SMC6: variants seen among roughly 807,000 people sequenced by gnomAD.
The protein encoded by SMC6 is structural maintenance of chromosomes 6.
SMC6 carries 79 observed loss-of-function variants against 142.2 expected under a neutral mutation model. The ratio of observed to expected loss-of-function variants is 0.56; its 90% CI spans 0.46 to 0.67. The LOEUF (loss-of-function observed/expected upper bound fraction) is 0.67, where lower values mean the gene tolerates loss of function less well. Ranked by LOEUF, SMC6 falls within the 30% of genes least tolerant of loss-of-function variation. The probability of loss-of-function intolerance (pLI) is 0.00; values close to 1 mark genes in which losing one functional copy is unlikely to be tolerated. For synonymous variants in SMC6, 411 were observed against 412.4 expected (o/e 1.00, Z 0.04); for missense variants, 1,072 against 1,284.0 (o/e 0.83, Z 2.52).
chr2:17,727,317 G>A (rs904770935), intron 7 of SMC6, among the ~76,000 whole-genome samples: 1 of 152,126 alleles, frequency 6.6e-6, no homozygotes, highest in African/African-American at 2.4e-5. Flanking sequence ...GAAAAAACGT[G>A]AAAAGACTAG....
chr2:17,689,752 A>T (rs1204764890), intron 23 of SMC6, among the ~76,000 whole-genome samples: 2 of 152,242 alleles, frequency 1.3e-5, no homozygotes, highest in African/African-American at 4.8e-5. Context: ...CTTCCTGTAT[A>T]CTTTAAATCA....
intron 16 of SMC6, among the ~76,000 whole-genome samples, chr2:17,710,989 A>C (rs143689989): frequency 6.6e-6 from 1 of 152,286 alleles, no homozygotes; most frequent in African/African-American, 2.4e-5. Context: ...AACGTCAGGC[A>C]GTCAATGAAA....
chr2:17,665,512 T>A lies in SMC6; in HGVS notation c.3263A>T (p.Asp1088Val). 1.2e-6 allele frequency: 2 copies of A among 1,608,544 alleles called. No individual in the cohort carries two copies. The highest frequency in any genetic ancestry group is 1.7e-6 in the Non-Finnish European group (2 of 1,176,842). ...PFRPVTQEED[D>V]DQR ...TTAAGTTACAAATCACCTTTGGTCA[T>A]CATCTTCTTCTTGAGTCACAGGTCT... Residue 1088 changes from aspartate (D) to valine (V), a missense_variant, in exon 28 of 28, where the codon GAT becomes GTT. Transcript: ENST00000448223.
intron 24 of SMC6, 54 bp from the exon 25 acceptor site, chr2:17,679,018 C>T (rs527738645): frequency 1.1e-5 from 13 of 1,217,488 alleles, no homozygotes; most frequent in Non-Finnish European, 1.6e-5. Context: ...TTTTTAAAAA[C>T]TATATTCAGC....
At chr2:17,691,776 T>C (rs982662792) in intron 23 of SMC6, among the ~76,000 whole-genome samples, 1 of 152,124 alleles carries the variant, frequency 6.6e-6, no homozygotes, top group Admixed American at 6.5e-5. Context: ...AGTCAAATTG[T>C]CCGTTTGCAG....
At chr2:17,691,715 G>A (rs1166321468) in intron 23 of SMC6, among the ~76,000 whole-genome samples, 2 of 152,034 alleles carry the variant, frequency 1.3e-5, no homozygotes, top group East Asian at 3.9e-4. Flanking sequence ...TTCTGGCCAG[G>A]GCAATCAGGC....
intron 24 of SMC6, chr2:17,682,081 T>C (rs1667263142): frequency 6.6e-6 from 1 of 152,090 alleles, no homozygotes; most frequent in East Asian, 1.9e-4. Flanking sequence ...AGAGATTGGG[T>C]TTATTCTTCT....
intron 9 of SMC6, among the ~76,000 whole-genome samples, chr2:17,723,614 G>A (rs1426161336): frequency 6.6e-6 from 1 of 152,102 alleles, no homozygotes; most frequent in Non-Finnish European, 1.5e-5. Flanking sequence ...CATCATGACT[G>A]TCCCTGACAC....
chr2:17,673,068 A>C (rs1357805358), intron 25 of SMC6, among the ~76,000 whole-genome samples: 1 of 152,164 alleles, frequency 6.6e-6, no homozygotes, highest in Non-Finnish European at 1.5e-5. Flanking sequence ...CACCAGCACA[A>C]AATATTGCCA....
chr2:17,720,908 C>T, intron 11 of SMC6, 32 bp downstream of exon 11: 1 of 1,530,280 alleles, frequency 6.5e-7, no homozygotes, highest in Non-Finnish European at 9.0e-7. Flanking sequence ...ATGATTCAAC[C>T]TATTAAATCT....
chr2:17,718,974 T>A (rs907322964), intron 11 of SMC6, among the ~76,000 whole-genome samples: 1 of 152,112 alleles, frequency 6.6e-6, no homozygotes. Context: ...CAGTAAGAAG[T>A]TAATATATTA....
At chr2:17,718,274 T>G in intron 11 of SMC6, 51 bp from the exon 12 acceptor site, 1 of 1,329,884 alleles carries the variant, frequency 7.5e-7, no homozygotes, top group Non-Finnish European at 1.0e-6. Flanking sequence ...ATAGAGAGAA[T>G]TTTAAAAAAT....
At chr2:17,717,921 G>C (rs1669178347) in intron 12 of SMC6, among the ~76,000 whole-genome samples, 156 bp downstream of exon 12, 1 of 151,942 alleles carries the variant, frequency 6.6e-6, no homozygotes, top group Admixed American at 6.6e-5. Flanking sequence ...GGAGATAAGA[G>C]GCTACAGTGA....
At position 17,707,235 on chromosome 2, in the gene SMC6, C is replaced by T; in HGVS notation, c.1990G>A (p.Val664Met). ...NTRPKFLSRD[V>M]DSEISDLENE... is the part of the protein sequence containing the mutation. ...GACTCTAACCTTATTTCAGAATCCACATCTCTGCTTAGGAACTTAGGTCTT... is the reference window on the plus strand; with the variant it reads ...GACTCTAACCTTATTTCAGAATCCATATCTCTGCTTAGGAACTTAGGTCTT... The change falls in exon 18 of 28, where the codon GTG (valine) becomes ATG (methionine). Residue 664 changes from valine (V) to methionine (M), a missense_variant. Physicochemically the swap from Val to Met is conservative, Grantham distance 21. This residue lies in a region of SMC6 where 994 missense variants were observed against 1,153.2 expected (regional missense o/e 0.86). Transcript: ENST00000448223. 6.3e-7 allele frequency: 1 copy of T among 1,590,356 alleles called. No individual in the cohort carries two copies. Among genetic ancestry groups the T allele is most frequent in the Admixed American group, 1.8e-5 (1 of 55,916 alleles).
chr2:17,712,163 C>T (rs10182780), intron 16 of SMC6, among the ~76,000 whole-genome samples: 152,337 of 152,338 alleles, frequency 1, 76,168 homozygotes, highest in Non-Finnish European at 1. Context: ...AAATATCAAC[C>T]GGATTCGGCA....
At chr2:17,743,722 A>G (rs1670588684) in intron 3 of SMC6, among the ~76,000 whole-genome samples, 1 of 152,162 alleles carries the variant, frequency 6.6e-6, no homozygotes, top group Non-Finnish European at 1.5e-5. Flanking sequence ...TACTGCGCTA[A>G]AAATCCGGTG....
At position 17,716,067 on chromosome 2, in the gene SMC6, G is replaced by T; in HGVS notation, c.1525+19C>A. ...TATTTCTAAAGTTTATTATAACCTC[G>T]CTAAATTAAGACAAATACCTAAAGG... On this transcript the variant is annotated intron_variant, in intron 15 of 27. Coordinates refer to ENST00000448223, the MANE Select transcript of SMC6 (RefSeq NM_001142286.2). The T allele has an allele frequency of 3.4e-6, 5 of 1,455,264 alleles. No individual in the cohort carries two copies. Among genetic ancestry groups the T allele is most frequent in the South Asian group, 3.2e-5 (2 of 63,240 alleles). 90.1% of individuals were successfully genotyped at this position (1,455,264 alleles called of 1,614,324 possible).
At chr2:17,725,494 C>A in intron 8 of SMC6, 136 bp from the exon 9 acceptor site, 1 of 567,416 alleles carries the variant, frequency 1.8e-6, no homozygotes, top group Non-Finnish European at 3.0e-6. Flanking sequence ...CGTAAGCAAT[C>A]ACACAAACAC....
In SMC6 at chr2:17,739,259, AGC is replaced by A. The variant is rs573477860; in HGVS notation, c.239-935_239-934del. Among the ~76,000 whole-genome samples, 22 of 152,274 alleles carry A rather than the reference AGC, an allele frequency of 1.4e-4. No individual in the cohort carries two copies. The South Asian group carries it at 4.3e-3, about 30-fold the overall frequency. ...TATGGTGGCTCATACCTGTAATCCC[AGC>A]GTTTTGGGAGGCTGAGATGGGAGGC... On this transcript the variant is annotated intron_variant, in intron 4 of 27. Transcript: ENST00000448223.
Sources: allele counts gnomAD v4.1 joint callset (sites outside exome capture counted in the v4.1 genomes callset), GRCh38; gene constraint gnomAD v4.1.1; regional missense constraint gnomAD v4.1.1; transcripts MANE v1.5; gene names NCBI Gene and HGNC (gene_info 2026-07-23, HGNC 2026-07-21).